The following LRRC37A2 variants were observed in gnomAD, a reference collection of about 807,000 sequenced individuals.
LRRC37A2 encodes leucine rich repeat containing 37 member A2, also known as leucine-rich repeat-containing protein 37A2.
A neutral mutation model predicts 68.8 loss-of-function variants in LRRC37A2; 9 were observed. That is an observed-to-expected ratio of 0.13 (90% CI 0.08 to 0.23). LRRC37A2 has a LOEUF of 0.23. Ranked by LOEUF, LRRC37A2 falls within the 10% of genes least tolerant of loss-of-function variation. The probability of loss-of-function intolerance (pLI) is 1.00; values close to 1 mark genes in which losing one functional copy is unlikely to be tolerated. For synonymous variants in LRRC37A2, 63 were observed against 367.6 expected (o/e 0.17, Z 9.48); for missense variants, 168 against 950.4 (o/e 0.18, Z 10.82).
the LRRC37A2 span, among the ~76,000 whole-genome samples, chr17:46,761,394 C>T: frequency 2.0e-5 from 3 of 148,912 alleles, no homozygotes; most frequent in East Asian, 2.0e-4. Flanking sequence ...TACAGTGGTG[C>T]GATCTCAGCT....
the LRRC37A2 span, among the ~76,000 whole-genome samples, chr17:47,021,358 C>A: frequency 8.6e-6 from 1 of 116,086 alleles, no homozygotes; most frequent in Non-Finnish European, 1.8e-5. Context: ...TGTGAAGGGG[C>A]CAAATCAGAT....
the LRRC37A2 span, among the ~76,000 whole-genome samples, chr17:46,826,781 C>CTT: frequency 0.011 from 1,337 of 117,646 alleles, 17 homozygotes; most frequent in Non-Finnish European, 0.017. Context: ...ATCAGCTGCT[C>CTT]TTTTTTTTTT....
the LRRC37A2 span, among the ~76,000 whole-genome samples, chr17:46,502,222 A>C: frequency 1.5e-4 from 23 of 151,082 alleles, no homozygotes; most frequent in East Asian, 9.7e-4. Flanking sequence ...GTGAGAGGAG[A>C]GGGCATTCAT....
At chr17:46,897,782 G>A in the LRRC37A2 span, among the ~76,000 whole-genome samples, 1 of 152,014 alleles carries the variant, frequency 6.6e-6, no homozygotes, top group Non-Finnish European at 1.5e-5. Context: ...GAGCCACCAC[G>A]CTGGCTACCT....
At chr17:46,765,798 G>A in the LRRC37A2 span, among the ~76,000 whole-genome samples, 34 of 152,330 alleles carry the variant, frequency 2.2e-4, no homozygotes, top group Admixed American at 1.7e-3. Flanking sequence ...GGCCCTTCAT[G>A]TGCAGGGTCT....
At chr17:46,930,761 A>C in the LRRC37A2 span, 1 of 226,698 alleles carries the variant, frequency 4.4e-6, no homozygotes, top group Admixed American at 5.2e-5. Context: ...AGGAAAAGAG[A>C]CCTATATCAG....
chr17:47,003,202 C>G, the LRRC37A2 span, among the ~76,000 whole-genome samples: 2 of 132,876 alleles, frequency 1.5e-5, no homozygotes, highest in Admixed American at 1.8e-4. Context: ...TTCAGTGAGT[C>G]GTGATGGTGC....
At chr17:46,846,406 G>T in the LRRC37A2 span, among the ~76,000 whole-genome samples, 3 of 152,244 alleles carry the variant, frequency 2.0e-5, no homozygotes, top group East Asian at 1.9e-4. Flanking sequence ...AGAAACAGGG[G>T]ACAGGGTCTC....
the LRRC37A2 span, among the ~76,000 whole-genome samples, chr17:46,877,969 G>T: frequency 2.0e-5 from 3 of 152,174 alleles, no homozygotes; most frequent in African/African-American, 7.2e-5. Flanking sequence ...AGATCCTGTG[G>T]ACATTTTCAG....
chr17:46,994,385 C>A, the LRRC37A2 span, among the ~76,000 whole-genome samples: 12 of 137,574 alleles, frequency 8.7e-5, no homozygotes, highest in East Asian at 2.1e-4. Context: ...AACTCCATCT[C>A]AAAAAAAAAG....
chr17:46,999,748 C>T, the LRRC37A2 span, among the ~76,000 whole-genome samples: 6 of 151,780 alleles, frequency 4.0e-5, no homozygotes, highest in African/African-American at 1.5e-4. Flanking sequence ...CCTATAATCC[C>T]AGCACTTTGG....
At chr17:46,830,202 C>T in the LRRC37A2 span, among the ~76,000 whole-genome samples, 1 of 152,138 alleles carries the variant, frequency 6.6e-6, no homozygotes, top group Admixed American at 6.5e-5. Flanking sequence ...CACCCCCACA[C>T]CCAGCCTTTT....
the LRRC37A2 span, chr17:46,875,342 C>A: frequency 6.2e-7 from 1 of 1,609,162 alleles, no homozygotes; most frequent in Non-Finnish European, 8.5e-7. Flanking sequence ...GGGCAGACGC[C>A]CACAATACCC....
the LRRC37A2 span, among the ~76,000 whole-genome samples, chr17:46,621,379 C>T: frequency 7.5e-5 from 10 of 133,496 alleles, 1 homozygote; most frequent in East Asian, 2.2e-4. Context: ...CTCCGCCTCC[C>T]GGGCTCACGC....
chr17:46,797,234 T>C, the LRRC37A2 span, among the ~76,000 whole-genome samples: 1 of 152,198 alleles, frequency 6.6e-6, no homozygotes, highest in Non-Finnish European at 1.5e-5. Flanking sequence ...GTGGGGCTGA[T>C]GTTATAAGAA....
At chr17:46,755,173 T>C in the LRRC37A2 span, 1 of 652,016 alleles carries the variant, frequency 1.5e-6, no homozygotes, top group Non-Finnish European at 2.8e-6. Context: ...GTGAGAATGC[T>C]GGTCAAGGAG....
the LRRC37A2 span, chr17:47,018,486 T>C: frequency 7.9e-6 from 12 of 1,526,270 alleles, no homozygotes; most frequent in African/African-American, 4.1e-5. Context: ...GGTGGGAAAT[T>C]CTTTAGTCCA....
the LRRC37A2 span, among the ~76,000 whole-genome samples, chr17:46,742,748 G>C: frequency 2.6e-5 from 4 of 152,138 alleles, no homozygotes; most frequent in African/African-American, 9.7e-5. Flanking sequence ...GCTGAGTACT[G>C]CAAGGGCGCA....
chr17:47,045,229 T>C, the LRRC37A2 span, among the ~76,000 whole-genome samples: 118,210 of 129,896 alleles, frequency 0.91, 54,350 homozygotes, highest in East Asian at 0.99. Context: ...TACATTGTAC[T>C]CCCAATTCAT....
Sources: allele counts gnomAD v4.1 joint callset (sites outside exome capture counted in the v4.1 genomes callset), GRCh38; gene constraint gnomAD v4.1.1; transcripts MANE v1.5; gene names NCBI Gene and HGNC (gene_info 2026-07-23, HGNC 2026-07-21).